The following ZNF626 variants were observed in gnomAD, a reference collection of about 807,000 sequenced individuals.
ZNF626 encodes zinc finger protein 626.
A neutral mutation model predicts 11.7 loss-of-function variants in ZNF626; 4 were observed. The ratio of observed to expected loss-of-function variants is 0.34; its 90% confidence interval spans 0.17 to 0.78. The LOEUF is 0.78. Among genes scored for constraint, ZNF626 ranks in the 30% least tolerant of loss-of-function variants. The probability of loss-of-function intolerance (pLI) is 0.57; values close to 1 mark genes in which losing one functional copy is unlikely to be tolerated. For synonymous variants in ZNF626, 179 were observed against 198.6 expected (o/e 0.90, Z 0.83); for missense variants, 588 against 587.1 (o/e 1.00, Z -0.01).
At chr19:20,627,187 G>C (rs1051220511) in intron 3 of ZNF626, among the ~76,000 whole-genome samples, 7 of 152,016 alleles carry the variant, frequency 4.6e-5, no homozygotes, top group African/African-American at 1.4e-4. Flanking sequence ...AAGGAAAAAT[G>C]ATGTAAACAT....
In ZNF626 at chr19:20,622,864, T is replaced by C. The variant is rs528935663; in HGVS notation, c.*1426A>G. On this transcript the variant is annotated 3_prime_UTR_variant, in exon 4 of 4. Transcript: ENST00000601440. ...CATGTTTACTGCATCTGCAAAAATA[T>C]ATTTTAGTATAAACTCTGCTGTTTT... 2 of 152,198 alleles carry C rather than the reference T, an allele frequency of 1.3e-5. No homozygotes were observed. The highest frequency in any genetic ancestry group is 6.5e-5 in the Admixed American group (1 of 15,288). The allele number at this position is 152,198 out of a possible 1,614,324, so 9.4% of individuals were successfully genotyped here. A position where few individuals can be genotyped will look rare whatever the true frequency, so the allele number is the denominator to read the frequency against.
At chr19:20,652,607 G>A (rs1555772680) in intron 1 of ZNF626, among the ~76,000 whole-genome samples, 1 of 152,128 alleles carries the variant, frequency 6.6e-6, no homozygotes, top group African/African-American at 2.4e-5. Context: ...AGCTACATGT[G>A]GCAATAGTGA....
At chr19:20,638,380 G>A (rs143294648) in intron 3 of ZNF626, among the ~76,000 whole-genome samples, 1 of 151,346 alleles carries the variant, frequency 6.6e-6, no homozygotes, top group African/African-American at 2.4e-5. Flanking sequence ...AACTGAGATT[G>A]CACCACTGCA....
intron 1 of ZNF626, among the ~76,000 whole-genome samples, chr19:20,659,849 G>A (rs564792903): frequency 4.9e-4 from 75 of 152,154 alleles, no homozygotes; most frequent in Non-Finnish European, 1.2e-4. Flanking sequence ...GCATCTGCCT[G>A]TGGGGCCCCA....
At chr19:20,652,798 G>T (rs1261144893) in intron 1 of ZNF626, among the ~76,000 whole-genome samples, 2 of 152,282 alleles carry the variant, frequency 1.3e-5, no homozygotes, top group Non-Finnish European at 2.9e-5. Flanking sequence ...GGCTTGAGTG[G>T]CTGGAGTAGC....
At position 20,626,342 on chromosome 19, in the gene ZNF626, T is replaced by C. The variant is rs78225494; in HGVS notation, c.227-692A>G. On this transcript the variant is annotated intron_variant, in intron 3 of 3. Transcript: ENST00000601440. ...AAAGATTACAATAAATACAAAATAGTAGAGCAACGTGATCCCATCAAAAAG... is the reference window on the plus strand; with the variant it reads ...AAAGATTACAATAAATACAAAATAGCAGAGCAACGTGATCCCATCAAAAAG... 6.2e-3 allele frequency among the ~76,000 whole-genome samples: 951 copies of C among 152,284 alleles called. 16 individuals carry two copies. Among genetic ancestry groups the C allele is most frequent in the African/African-American group, 0.022 (909 of 41,554 alleles).
At chr19:20,649,278 C>T (rs923574226) in intron 1 of ZNF626, among the ~76,000 whole-genome samples, 3 of 152,160 alleles carry the variant, frequency 2.0e-5, no homozygotes, top group Admixed American at 6.5e-5. Flanking sequence ...AAAGTCCACC[C>T]ATTTCTGTCC....
intron 1 of ZNF626, among the ~76,000 whole-genome samples, chr19:20,653,200 A>G (rs1453675969): frequency 6.6e-6 from 1 of 152,172 alleles, no homozygotes; most frequent in Non-Finnish European, 1.5e-5. Flanking sequence ...TGTTTATATC[A>G]TGTCTGGTAA....
Position 20,660,673 on chromosome 19 carries a change from C to T in ZNF626, c.3+771G>A, listed in dbSNP as rs572311257. Among the ~76,000 whole-genome samples, 3 of 152,246 alleles carry T rather than the reference C, an allele frequency of 2.0e-5. No homozygotes were observed. The East Asian group carries it at 5.8e-4, about 29-fold the overall frequency. ...TCCTGACCACGTGATCCACCTGCCT[C>T]GGCCTCCGAAGTGCTGGGATTACAG... is the stretch of plus-strand genomic sequence containing the variant. On this transcript the variant is annotated intron_variant, in intron 1 of 3. Transcript: ENST00000601440.
At chr19:20,643,010 CA>C (rs11289893) in intron 3 of ZNF626, among the ~76,000 whole-genome samples, 16,133 of 109,302 alleles carry the variant, frequency 0.15, 2,003 homozygotes, top group African/African-American at 0.4. Context: ...AACTCCTTCT[CA>C]AAAAAAAAAA....
Position 20,624,715 on chromosome 19 carries a change from T to A in ZNF626, c.1162A>T (p.Lys388Ter), listed in dbSNP as rs202012793. The change falls in exon 4 of 4, where the codon AAG (lysine) becomes TAG (stop). Residue 388 changes from lysine (K) to a stop codon, truncating the protein, a stop_gained. Coordinates refer to ENST00000601440, the MANE Select transcript of ZNF626 (RefSeq NM_001076675.3). LOFTEE classifies it low-confidence loss of function (END_TRUNC). ...GGTTTCTCTCCAGTATGAATTATCT[T>A]ATGCGTAGTAAGGTCTGAAGACCGC... The part of the protein sequence containing the change: ...FKRSSDLTTH[K>*]IIHTGEKPYK... 1,900 of 1,609,924 alleles carry A rather than the reference T, an allele frequency of 1.2e-3. 4 individuals are homozygous for A. Among genetic ancestry groups the A allele is most frequent in the Middle Eastern group, 4.0e-3 (24 of 6,054 alleles).
intron 3 of ZNF626, among the ~76,000 whole-genome samples, chr19:20,628,300 T>C (rs1969864033): frequency 6.6e-6 from 1 of 152,220 alleles, no homozygotes; most frequent in Non-Finnish European, 1.5e-5. Context: ...TACCCAGTAA[T>C]GGGATGGCTG....
At chr19:20,645,591 C>T in intron 3 of ZNF626, 93 bp downstream of exon 3, 1 of 1,551,492 alleles carries the variant, frequency 6.4e-7, no homozygotes. Context: ...TGGAACACAG[C>T]TCCCCAAATC....
intron 3 of ZNF626, among the ~76,000 whole-genome samples, chr19:20,630,873 C>A (rs373586095): frequency 2.3e-4 from 35 of 151,654 alleles, no homozygotes; most frequent in African/African-American, 8.5e-4. Context: ...GTTAGGGTGT[C>A]AATTTTAGAT....
chr19:20,648,763 A>G (rs1420891685), intron 1 of ZNF626, among the ~76,000 whole-genome samples: 2 of 152,178 alleles, frequency 1.3e-5, no homozygotes, highest in Admixed American at 6.5e-5. Flanking sequence ...TTTACTAAGG[A>G]CCACAGTTTT....
intron 3 of ZNF626, 108 bp from the exon 4 acceptor site, chr19:20,625,758 A>C: frequency 9.0e-7 from 1 of 1,116,972 alleles, no homozygotes; most frequent in Non-Finnish European, 1.2e-6. Flanking sequence ...GCAAGATGAC[A>C]CAGGAAAATA....
At chr19:20,640,669 A>AC (rs1970014883) in intron 3 of ZNF626, among the ~76,000 whole-genome samples, 2 of 150,726 alleles carry the variant, frequency 1.3e-5, no homozygotes, top group South Asian at 2.1e-4. Flanking sequence ...AAAAAAAAAA[A>AC]CACAATGACA....
chr19:20,647,876 G>T (rs1017467374), intron 1 of ZNF626, among the ~76,000 whole-genome samples: 1 of 151,936 alleles, frequency 6.6e-6, no homozygotes. Context: ...ATTATAGTCC[G>T]AATGTAACCA....
intron 1 of ZNF626, among the ~76,000 whole-genome samples, chr19:20,652,410 C>T (rs1032717662): frequency 3.5e-4 from 53 of 151,796 alleles, no homozygotes; most frequent in African/African-American, 1.1e-3. Context: ...CTGGAATCTA[C>T]ACTTTGAGTA....
Sources: allele counts gnomAD v4.1 joint callset (sites outside exome capture counted in the v4.1 genomes callset), GRCh38; gene constraint gnomAD v4.1.1; transcripts MANE v1.5; gene names NCBI Gene and HGNC (gene_info 2026-07-23, HGNC 2026-07-21).